The following CHRM3 variants were observed in gnomAD, a reference collection of about 807,000 sequenced individuals.
The protein encoded by CHRM3 is cholinergic receptor muscarinic 3, also known as muscarinic acetylcholine receptor M3.
A neutral mutation model predicts 41.8 loss-of-function variants in CHRM3; 11 were observed. The observed-to-expected ratio is 0.26, with a 90% CI of 0.17 to 0.44. The LOEUF is 0.44. CHRM3 is among the 20% of genes least tolerant of loss of function. CHRM3 has a pLI of 1.00. For missense variants in CHRM3, 571 were observed against 745.4 expected, an observed-to-expected ratio of 0.77 and a Z score of 2.72; for synonymous variants, 297 against 301.4, an observed-to-expected ratio of 0.99 and a Z score of 0.15.
At chr1:239,582,783 G>A (rs1224424437) in intron 3 of CHRM3, among the ~76,000 whole-genome samples, 1 of 152,146 alleles carries the variant, frequency 6.6e-6, no homozygotes, top group African/African-American at 2.4e-5. Context: ...TCTTCACACA[G>A]TGACTAGCGT....
intron 5 of CHRM3, among the ~76,000 whole-genome samples, chr1:239,728,168 T>A (rs1421380225): frequency 1.3e-5 from 2 of 151,794 alleles, no homozygotes; most frequent in African/African-American, 4.8e-5. Context: ...TTGTTAAGGG[T>A]TTTCTGGAAG....
At chr1:239,652,158 A>G (rs943007327) in intron 4 of CHRM3, among the ~76,000 whole-genome samples, 2 of 152,118 alleles carry the variant, frequency 1.3e-5, no homozygotes, top group Admixed American at 6.6e-5. Flanking sequence ...GAGCCGGTGT[A>G]TACCTTAAAA....
At chr1:239,740,218 C>T (rs1412047184) in intron 5 of CHRM3, among the ~76,000 whole-genome samples, 1 of 152,066 alleles carries the variant, frequency 6.6e-6, no homozygotes, top group Non-Finnish European at 1.5e-5. Flanking sequence ...ATACTCTAGT[C>T]CAAGAATTTT....
chr1:239,403,917 C>G (rs998974962), intron 1 of CHRM3, among the ~76,000 whole-genome samples: 5 of 125,646 alleles, frequency 4.0e-5, no homozygotes, highest in African/African-American at 1.5e-4. Flanking sequence ...TTTTAAGATC[C>G]AACATTTCAG....
chr1:239,757,038 T>C (rs1244855350), intron 5 of CHRM3, among the ~76,000 whole-genome samples: 2 of 152,186 alleles, frequency 1.3e-5, no homozygotes, highest in Admixed American at 1.3e-4. Context: ...TATCCTGCTG[T>C]AGCCTCAAAT....
At chr1:239,656,806 C>T (rs1359514253) in intron 4 of CHRM3, among the ~76,000 whole-genome samples, 5 of 151,948 alleles carry the variant, frequency 3.3e-5, no homozygotes, top group African/African-American at 1.2e-4. Context: ...TGTAATCATA[C>T]TTTGTTTTTA....
At chr1:239,622,508 G>T (rs1447965102) in intron 3 of CHRM3, among the ~76,000 whole-genome samples, 3 of 152,106 alleles carry the variant, frequency 2.0e-5, no homozygotes, top group Non-Finnish European at 4.4e-5. Context: ...TGAAGAAGTA[G>T]ATTTCAGCCC....
chr1:239,557,976 T>A lies in CHRM3; in HGVS notation c.-313+12227T>A, dbSNP rs182193079. On this transcript the variant is annotated intron_variant, in intron 3 of 6. Transcript: ENST00000676153. ...GCATGTATCTTTATAATAGAATGAT[T>A]TATATTGCTTTGGGTTATATACCCA... Among the ~76,000 whole-genome samples, 412 of 152,274 alleles carry A rather than the reference T, an allele frequency of 2.7e-3. 1 individual carries two copies. Among genetic ancestry groups the A allele is most frequent in the Non-Finnish European group, 3.8e-3 (258 of 68,020 alleles).
intron 5 of CHRM3, among the ~76,000 whole-genome samples, chr1:239,757,251 A>G (rs1405016356): frequency 2.0e-5 from 3 of 152,238 alleles, no homozygotes. Flanking sequence ...GGAGTGAGAT[A>G]CTGAAAGATC....
chr1:239,781,899 G>C (rs1224655562), intron 5 of CHRM3, among the ~76,000 whole-genome samples: 2 of 151,874 alleles, frequency 1.3e-5, no homozygotes, highest in Non-Finnish European at 2.9e-5. Flanking sequence ...TTACCATATT[G>C]ATATTATGGA....
At chr1:239,459,575 T>C (rs918700353) in intron 1 of CHRM3, among the ~76,000 whole-genome samples, 1 of 152,200 alleles carries the variant, frequency 6.6e-6, no homozygotes, top group African/African-American at 2.4e-5. Context: ...ACATCTTCAA[T>C]TAAGATTGAT....
chr1:239,905,329 G>C (rs6669810), intron 6 of CHRM3, among the ~76,000 whole-genome samples: 90,159 of 151,958 alleles, frequency 0.59, 27,303 homozygotes, highest in African/African-American at 0.7. Context: ...GGTCCTCCCA[G>C]ACATCACCTT....
In CHRM3 at chr1:239,429,606, C is replaced by A. The variant is rs369019869; in HGVS notation, c.-521+42379C>A. On this transcript the variant is annotated intron_variant, in intron 1 of 6. Coordinates refer to ENST00000676153, the MANE Select transcript of CHRM3 (RefSeq NM_001375978.1). ...GCATTTTCTTCAGCATGTTCCATTG[C>A]AGAGCTCATGTGTGAGGCACATATT... 3.3e-5 allele frequency among the ~76,000 whole-genome samples: 5 copies of A among 152,268 alleles called. No homozygotes were observed. The East Asian group carries it at 9.6e-4, about 29-fold the overall frequency.
intron 6 of CHRM3, among the ~76,000 whole-genome samples, chr1:239,878,063 TG>T (rs1677264832): frequency 6.6e-6 from 1 of 151,900 alleles, no homozygotes; most frequent in African/African-American, 2.4e-5. Flanking sequence ...GCTAATTTTT[TG>T]TATTTTTAGT....
intron 5 of CHRM3, among the ~76,000 whole-genome samples, chr1:239,743,427 T>C (rs901771942): frequency 6.6e-6 from 1 of 152,188 alleles, no homozygotes; most frequent in Non-Finnish European, 1.5e-5. Context: ...GGTGGCTCAG[T>C]GTTAATGGAG....
In CHRM3 at chr1:239,599,139, T is replaced by C. The variant is rs76068448; in HGVS notation, c.-312-33085T>C. On this transcript the variant is annotated intron_variant, in intron 3 of 6. Transcript: ENST00000676153. Reference sequence around the variant, plus strand: ...GATAAAGGACTTTTGCCTTCTCGACTTCTTTGTCTCTTATTTTCTGCTCTG... The same window carrying C: ...GATAAAGGACTTTTGCCTTCTCGACCTCTTTGTCTCTTATTTTCTGCTCTG... 4.6e-5 allele frequency among the ~76,000 whole-genome samples: 7 copies of C among 152,312 alleles called. No homozygotes were observed. The East Asian group carries it at 1.4e-3, about 29-fold the overall frequency.
rs1663037960 is a variant in CHRM3, at chr1:239,434,010, C to T, written c.-521+46783C>T. 2.0e-5 allele frequency among the ~76,000 whole-genome samples: 3 copies of T among 152,148 alleles called. No individual in the cohort carries two copies. In the South Asian group the frequency reaches 6.2e-4, roughly 31 times the overall value. On this transcript the variant is annotated intron_variant, in intron 1 of 6. Coordinates refer to ENST00000676153, the MANE Select transcript of CHRM3 (RefSeq NM_001375978.1). Reference sequence around the variant, plus strand: ...GGGATTGCTGGATCAAATGCTGGTTCTACTTTTGGTTCTTTAAGGAATCTT... The same window carrying T: ...GGGATTGCTGGATCAAATGCTGGTTTTACTTTTGGTTCTTTAAGGAATCTT...
At chr1:239,874,859 G>A (rs537936211) in intron 6 of CHRM3, among the ~76,000 whole-genome samples, 30 of 151,688 alleles carry the variant, frequency 2.0e-4, no homozygotes, top group Admixed American at 1.6e-3. Flanking sequence ...CGACCACGCC[G>A]GGCTAATTTT....
chr1:239,545,787 T>C (rs553318870), intron 3 of CHRM3, 38 bp downstream of exon 3: 13 of 152,262 alleles, frequency 8.5e-5, no homozygotes, highest in African/African-American at 3.1e-4. Flanking sequence ...TACACAGTTA[T>C]ATGTTGAGAT....
Sources: allele counts gnomAD v4.1 joint callset (sites outside exome capture counted in the v4.1 genomes callset), GRCh38; gene constraint gnomAD v4.1.1; transcripts MANE v1.5; gene names NCBI Gene and HGNC (gene_info 2026-07-23, HGNC 2026-07-21).